Variants in RXRA observed in about 807,000 individuals in gnomAD.
RXRA encodes the protein retinoid X receptor alpha, also known as retinoic acid receptor RXR-alpha.
RXRA carries 5 observed loss-of-function variants against 44.5 expected under a neutral mutation model. That is an observed-to-expected ratio of 0.11 (90% CI 0.06 to 0.24). The LOEUF (loss-of-function observed/expected upper bound fraction) is 0.24. Among genes scored for constraint, RXRA ranks in the 10% least tolerant of loss-of-function variants. The pLI is 1.00. For synonymous variants in RXRA, 291 were observed against 271.4 expected (o/e 1.07, Z -0.71); for missense variants, 412 against 646.5 (o/e 0.64, Z 3.93).
intron 1 of RXRA, among the ~76,000 whole-genome samples, chr9:134,337,654 T>C (rs1375618467): frequency 6.6e-5 from 10 of 152,060 alleles, no homozygotes; most frequent in Admixed American, 6.6e-4. Flanking sequence ...GGCTTTTGAA[T>C]TGGGTCATGA....
intron 1 of RXRA, among the ~76,000 whole-genome samples, chr9:134,347,326 G>A (rs1554748941): frequency 6.6e-6 from 1 of 152,234 alleles, no homozygotes; most frequent in Admixed American, 6.5e-5. Flanking sequence ...CAGATGACGC[G>A]CCCTGCCGCG....
chr9:134,426,458 G>A lies in RXRA; in HGVS notation c.911-2650G>A, dbSNP rs961862243. On this transcript the variant is annotated intron_variant, in intron 6 of 9. Transcript: ENST00000481739. The surrounding 1 kb of genome is among the most constrained non-coding windows in gnomAD (Gnocchi z 4.6). ...AATAACCGAGTGAGGACATCGGGGT[G>A]GAGGGACAGGGGACAGGGGAGCTGA... 1.0e-6 allele frequency: 1 copy of A among 985,344 alleles called. No individual in the cohort carries two copies. Among genetic ancestry groups the A allele is most frequent in the Non-Finnish European group, 1.2e-6 (1 of 829,944 alleles). The allele number at this position is 985,344 out of a possible 1,614,324, so 61.0% of individuals were successfully genotyped here.
chr9:134,425,325 T>C (rs1467619475), intron 6 of RXRA: 2 of 985,072 alleles, frequency 2.0e-6, no homozygotes, highest in African/African-American at 1.8e-5. Flanking sequence ...AGTTTTGGCT[T>C]GTTCCATGGA....
At chr9:134,344,135 T>C (rs868909781) in intron 1 of RXRA, among the ~76,000 whole-genome samples, 1 of 152,200 alleles carries the variant, frequency 6.6e-6, no homozygotes, top group Non-Finnish European at 1.5e-5. Context: ...TCCCTGCGCT[T>C]GAAGCTGGCC....
chr9:134,429,263 C>T (rs370465953), intron 7 of RXRA, 23 bp downstream of exon 7: 39 of 1,604,462 alleles, frequency 2.4e-5, no homozygotes, highest in African/African-American at 1.1e-4. Flanking sequence ...CCGGGAGGGG[C>T]GAGGGCGCTT....
Position 134,436,568 on chromosome 9 carries a change from A to C in RXRA, c.1343A>C (p.Asp448Ala). ...AAGCTCATCGGGGACACACCCATTGACACCTTCCTTATGGAGATGCTGGAG... is the reference window on the plus strand; with the variant it reads ...AAGCTCATCGGGGACACACCCATTGCCACCTTCCTTATGGAGATGCTGGAG... ...FFKLIGDTPI[D>A]TFLMEMLEAP... Residue 448 changes from aspartate (D) to alanine (A), a missense_variant, in exon 10 of 10, where the codon GAC (aspartate) becomes GCC (alanine). Asp to Ala is a moderately radical substitution (Grantham distance 126). Coordinates refer to ENST00000481739, the MANE Select transcript of RXRA (RefSeq NM_002957.6). The C allele has an allele frequency of 6.2e-7, 1 of 1,614,092 alleles. No homozygotes were observed. Among genetic ancestry groups the C allele is most frequent in the Admixed American group, 1.7e-5 (1 of 60,026 alleles).
chr9:134,374,983 C>G (rs762908074), intron 1 of RXRA, among the ~76,000 whole-genome samples: 1 of 152,216 alleles, frequency 6.6e-6, no homozygotes, highest in Non-Finnish European at 1.5e-5. Context: ...GCTCTATCCT[C>G]GGTAGCCCTC....
Position 134,393,076 on chromosome 9 carries a change from C to T in RXRA, c.29-8556C>T, listed in dbSNP as rs926548493. ...GGGAAACCCGGGAATCATGGGGAAG[C>T]GGGAAATGACAGTAGGGAATTGACA... On this transcript the variant is annotated intron_variant, in intron 1 of 9. Coordinates refer to ENST00000481739, the MANE Select transcript of RXRA (RefSeq NM_002957.6). 5.3e-5 allele frequency among the ~76,000 whole-genome samples: 8 copies of T among 151,420 alleles called. No individual in the cohort carries two copies. The East Asian group carries it at 1.4e-3, about 26-fold the overall frequency.
At chr9:134,377,719 T>A (rs1297020914) in intron 1 of RXRA, among the ~76,000 whole-genome samples, 2 of 152,228 alleles carry the variant, frequency 1.3e-5, no homozygotes, top group Non-Finnish European at 2.9e-5. Context: ...ACATTTTTAT[T>A]CTGACTTCCA....
intron 1 of RXRA, among the ~76,000 whole-genome samples, chr9:134,331,159 C>T (rs1834999060): frequency 6.6e-6 from 1 of 152,182 alleles, no homozygotes. Flanking sequence ...CTGTGCCACT[C>T]CAGGGACCCT....
In RXRA at chr9:134,342,441, A is replaced by G. The variant is rs1369354821; in HGVS notation, c.28+15782A>G. 6.6e-6 allele frequency among the ~76,000 whole-genome samples: 1 copy of G among 152,318 alleles called. No homozygotes were observed. Among genetic ancestry groups the G allele is most frequent in the South Asian group, 2.1e-4 (1 of 4,830 alleles). The stretch of plus-strand genomic sequence containing the variant: ...GGCCGATCCTTGCCCTTTCCCTGCC[A>G]GGAAACTGAGGCACAGAGAGCAGGG... On this transcript the variant is annotated intron_variant, in intron 1 of 9. Coordinates refer to ENST00000481739, the MANE Select transcript of RXRA (RefSeq NM_002957.6). This position sits in a 1 kb window ranked among gnomAD's most constrained non-coding sequence, Gnocchi z 4.4.
Position 134,409,059 on chromosome 9 carries a change from C to T in RXRA, c.550C>T (p.Arg184Trp), listed in dbSNP as rs2119160108. The change falls in exon 4 of 10, where the codon CGG (arginine) becomes TGG (tryptophan). Residue 184 changes from arginine (R) to tryptophan (W), a missense_variant. Physicochemically the swap from Arg to Trp is moderately radical, Grantham distance 101. Transcript: ENST00000481739. ...NKDCLIDKRQ[R>W]NRCQYCRYQK... ...GGACTGCCTGATTGACAAGCGGCAG[C>T]GGAACCGGTGCCAGTACTGCCGCTA... 6.2e-7 allele frequency: 1 copy of T among 1,611,322 alleles called. No individual in the cohort carries two copies. Among genetic ancestry groups the T allele is most frequent in the Non-Finnish European group, 8.5e-7 (1 of 1,178,872 alleles).
chr9:134,429,804 C>T (rs994524625), intron 7 of RXRA, among the ~76,000 whole-genome samples: 15 of 152,150 alleles, frequency 9.9e-5, no homozygotes, highest in African/African-American at 3.6e-4. Flanking sequence ...GGTCCGTGTC[C>T]GTTCATGTTG....
At chr9:134,425,553 T>TGGG in intron 6 of RXRA, 1 of 138,294 alleles carries the variant, frequency 7.2e-6, no homozygotes, top group Non-Finnish European at 8.7e-6. Context: ...GGGTGGGGGG[T>TGGG]GGGGGGGGGT....
chr9:134,339,895 CTGTG>C (rs1329785613), intron 1 of RXRA, among the ~76,000 whole-genome samples: 1 of 151,084 alleles, frequency 6.6e-6, no homozygotes, highest in Non-Finnish European at 1.5e-5. Context: ...TTGTGTGAGC[CTGTG>C]TGTGTCTGTG....
At chr9:134,352,961 G>A (rs1445151690) in intron 1 of RXRA, among the ~76,000 whole-genome samples, 1 of 152,154 alleles carries the variant, frequency 6.6e-6, no homozygotes, top group Non-Finnish European at 1.5e-5. Context: ...CCTGCCTTCT[G>A]GTGCCCACTT....
At chr9:134,368,068 G>A (rs748240885) in intron 1 of RXRA, among the ~76,000 whole-genome samples, 8 of 152,264 alleles carry the variant, frequency 5.3e-5, no homozygotes, top group Non-Finnish European at 7.3e-5. Flanking sequence ...TGCAGGGCCA[G>A]GAGCCTGCGG....
chr9:134,389,866 G>C (rs190731931), intron 1 of RXRA, among the ~76,000 whole-genome samples: 1 of 152,176 alleles, frequency 6.6e-6, no homozygotes, highest in South Asian at 2.1e-4. Flanking sequence ...GTTACCGTGC[G>C]TGCTAGCTGC....
At position 134,439,843 on chromosome 9, in the gene RXRA, C is replaced by T. The variant is rs1332300089; in HGVS notation, c.*3229C>T. ...TTTATTTTTAATCAAGACGTTTCCC[C>T]TGTTTTCCTATAAATTTGCTTCGTG... On this transcript the variant is annotated 3_prime_UTR_variant, in exon 10 of 10. Transcript: ENST00000481739. 6.6e-6 allele frequency: 1 copy of T among 152,220 alleles called. No individual in the cohort carries two copies. The highest frequency in any genetic ancestry group is 6.5e-5 in the Admixed American group (1 of 15,280). 9.4% of individuals were successfully genotyped at this position (152,220 alleles called of 1,614,324 possible).
Sources: allele counts gnomAD v4.1 joint callset (sites outside exome capture counted in the v4.1 genomes callset), GRCh38; gene constraint gnomAD v4.1.1; non-coding constraint Gnocchi (gnomAD v3.1); transcripts MANE v1.5; gene names NCBI Gene and HGNC (gene_info 2026-07-23, HGNC 2026-07-21).